The following TCAIM variants were observed in gnomAD, a reference collection of about 807,000 sequenced individuals.
TCAIM encodes T cell activation inhibitor, mitochondrial.
A neutral mutation model predicts 58.6 loss-of-function variants in TCAIM; 36 were observed. That is an observed-to-expected ratio of 0.61 (90% CI 0.47 to 0.81). The LOEUF (loss-of-function observed/expected upper bound fraction) is 0.81, where lower values mean the gene tolerates loss of function less well. TCAIM is among the 30% of genes least tolerant of loss of function. The pLI, the probability that TCAIM is intolerant of heterozygous loss-of-function variation, is 0.00. For synonymous variants in TCAIM, 172 were observed against 193.6 expected (o/e 0.89, Z 0.93); for missense variants, 466 against 579.6 (o/e 0.80, Z 2.01).
chr3:44,348,197 A>C (rs1199548288), intron 1 of TCAIM, among the ~76,000 whole-genome samples: 1 of 152,108 alleles, frequency 6.6e-6, no homozygotes, highest in Non-Finnish European at 1.5e-5. Flanking sequence ...TAAGAAGGGG[A>C]CGGACTTACC....
At chr3:44,392,502 G>C (rs1701854346) in intron 5 of TCAIM, among the ~76,000 whole-genome samples, 1 of 152,176 alleles carries the variant, frequency 6.6e-6, no homozygotes. Flanking sequence ...GTGGGTCCCA[G>C]TGTCTGTTGC....
intron 2 of TCAIM, among the ~76,000 whole-genome samples, chr3:44,356,031 T>C (rs551838491): frequency 3.9e-5 from 6 of 152,210 alleles, no homozygotes; most frequent in Non-Finnish European, 7.3e-5. Context: ...AATCCATATA[T>C]TGACTTTATA....
chr3:44,383,414 G>A (rs1476727162), intron 5 of TCAIM, among the ~76,000 whole-genome samples: 1 of 152,140 alleles, frequency 6.6e-6, no homozygotes, highest in Non-Finnish European at 1.5e-5. Context: ...GAACCTTGAG[G>A]ACATCATGCT....
In TCAIM at chr3:44,407,434, T is replaced by C. The variant is rs1235513051; in HGVS notation, c.1251-8T>C. The C allele has an allele frequency of 6.9e-7, 1 of 1,443,126 alleles. No individual in the cohort carries two copies. The highest frequency in any genetic ancestry group is 2.0e-5 in the Admixed American group (1 of 49,756). 89.4% of individuals were successfully genotyped at this position (1,443,126 alleles called of 1,614,324 possible). ...CTTATGACAATATTTTTATTTTCTATATAATAGGTTAAAGGTTATTGAAAA... is the reference window on the plus strand; with the variant it reads ...CTTATGACAATATTTTTATTTTCTACATAATAGGTTAAAGGTTATTGAAAA... On this transcript the variant is annotated splice_polypyrimidine_tract_variant and splice_region_variant and intron_variant, in intron 10 of 10. Transcript: ENST00000342649.
chr3:44,394,730 C>G (rs912834753), intron 6 of TCAIM, among the ~76,000 whole-genome samples: 1 of 150,180 alleles, frequency 6.7e-6, no homozygotes, highest in Non-Finnish European at 1.5e-5. Context: ...CCCGTCTCTA[C>G]TAAAAATACA....
At chr3:44,390,764 A>G (rs559590047) in intron 5 of TCAIM, among the ~76,000 whole-genome samples, 39 of 152,330 alleles carry the variant, frequency 2.6e-4, no homozygotes, top group African/African-American at 8.7e-4. Flanking sequence ...TGAGCCCAGA[A>G]GTTTGGAGCC....
intron 4 of TCAIM, 42 bp from the exon 5 acceptor site, chr3:44,367,414 T>C (rs1701396926): frequency 6.5e-7 from 1 of 1,536,880 alleles, no homozygotes; most frequent in African/African-American, 1.4e-5. Context: ...ATAAAGCAAA[T>C]AATCATCTGT....
chr3:44,364,745 C>CA (rs199676357), intron 4 of TCAIM, among the ~76,000 whole-genome samples: 5,457 of 91,400 alleles, frequency 0.06, 334 homozygotes, highest in African/African-American at 0.19. Flanking sequence ...GACCCTGTCT[C>CA]AAAAAAAAAA....
intron 6 of TCAIM, among the ~76,000 whole-genome samples, chr3:44,395,554 G>A (rs867347024): frequency 2.0e-5 from 3 of 152,186 alleles, no homozygotes; most frequent in Non-Finnish European, 2.9e-5. Context: ...ACTCGAGACC[G>A]GTGCTCTTCA....
chr3:44,401,989 T>C (rs993447023), intron 10 of TCAIM, among the ~76,000 whole-genome samples: 1 of 151,972 alleles, frequency 6.6e-6, no homozygotes, highest in Non-Finnish European at 1.5e-5. Context: ...GCCGAGATCA[T>C]GCCACTGCAC....
In TCAIM at chr3:44,407,879, C is replaced by T. The variant is rs111360940; in HGVS notation, c.*197C>T. The T allele has an allele frequency of 1.6e-3, 797 of 510,540 alleles. 7 individuals carry two copies. The highest frequency in any genetic ancestry group is 9.7e-3 in the African/African-American group (490 of 50,366). 31.6% of individuals were successfully genotyped at this position (510,540 alleles called of 1,614,324 possible). On this transcript the variant is annotated 3_prime_UTR_variant, in exon 11 of 11. Transcript: ENST00000342649. Reference sequence around the variant, plus strand: ...TGCCAGGCGTGGTGGCTCATGCCTGCGGTCCCAGCTACTTAGGGAGGCTAA... The same window carrying T: ...TGCCAGGCGTGGTGGCTCATGCCTGTGGTCCCAGCTACTTAGGGAGGCTAA...
intron 1 of TCAIM, among the ~76,000 whole-genome samples, chr3:44,344,906 A>G (rs73090412): frequency 0.19 from 28,458 of 152,068 alleles, 2,865 homozygotes; most frequent in Middle Eastern, 0.29. Flanking sequence ...AAGGAATTCA[A>G]TTCACAAGGT....
chr3:44,396,625 C>A, intron 7 of TCAIM, 118 bp from the exon 8 acceptor site: 1 of 1,399,158 alleles, frequency 7.1e-7, no homozygotes, highest in Non-Finnish European at 9.8e-7. Flanking sequence ...AAAGCAGTGG[C>A]ATAAAATTAG....
chr3:44,346,284 C>T (rs760294108), intron 1 of TCAIM, among the ~76,000 whole-genome samples: 1 of 152,144 alleles, frequency 6.6e-6, no homozygotes, highest in Non-Finnish European at 1.5e-5. Flanking sequence ...GGTCCATTAT[C>T]GGACTGTATA....
Position 44,367,556 on chromosome 3 carries a change from C to G in TCAIM, c.420C>G (p.Ser140Arg). The part of the protein sequence containing the change: ...SCSLSVEHIQ[S>R]LNTNMHTQPL... ...GTTTATCTGTTGAACATATCCAAAG[C>G]TTGAATACTAATATGCATACCCAGC... Residue 140 changes from serine (S) to arginine (R), a missense_variant, in exon 5 of 11, where the codon AGC becomes AGG. Coordinates refer to ENST00000342649, the MANE Select transcript of TCAIM (RefSeq NM_173826.4). The G allele has an allele frequency of 6.2e-7, 1 of 1,614,044 alleles. No homozygotes were observed. Among genetic ancestry groups the G allele is most frequent in the Non-Finnish European group, 8.5e-7 (1 of 1,179,996 alleles).
At chr3:44,366,072 C>T (rs1701369242) in intron 4 of TCAIM, among the ~76,000 whole-genome samples, 1 of 152,022 alleles carries the variant, frequency 6.6e-6, no homozygotes, top group Non-Finnish European at 1.5e-5. Flanking sequence ...AGATTTAAGC[C>T]CTGGCTTCAT....
In TCAIM at chr3:44,361,421, A is replaced by T. The variant is rs900243852; in HGVS notation, c.222A>T (p.Lys74Asn). ...RLSVYLENLQ[K>N]PGFKSLKPTQ... ...GTGTCTACCTAGAAAACCTCCAGAA[A>T]CCAGGCTTCAAGTCTTTGAAACCAA... The change falls in exon 4 of 11, where the codon AAA becomes AAT. Residue 74 changes from lysine (K) to asparagine (N), a missense_variant. By Grantham distance (94) the Lys-to-Asn change is moderately conservative. Coordinates refer to ENST00000342649, the MANE Select transcript of TCAIM (RefSeq NM_173826.4). The T allele has an allele frequency of 3.1e-6, 5 of 1,613,124 alleles. No homozygotes were observed. The African/African-American group carries it at 6.7e-5, about 22-fold the overall frequency.
chr3:44,404,929 C>A (rs1440924832), intron 10 of TCAIM, among the ~76,000 whole-genome samples: 1 of 152,052 alleles, frequency 6.6e-6, no homozygotes, highest in Non-Finnish European at 1.5e-5. Flanking sequence ...ACAGGGTCCT[C>A]ACAGTAGCAG....
chr3:44,356,512 A>G (rs1227021707), intron 2 of TCAIM, among the ~76,000 whole-genome samples: 1 of 151,440 alleles, frequency 6.6e-6, no homozygotes, highest in Non-Finnish European at 1.5e-5. Context: ...ACAGAGTGAG[A>G]CTCTGTCTCA....
Sources: gnomAD v4.1 joint callset for allele counts (sites outside exome capture counted in the v4.1 genomes callset) on GRCh38, gnomAD v4.1.1 for gene constraint, MANE v1.5 for transcripts, NCBI Gene and HGNC (gene_info 2026-07-23, HGNC 2026-07-21) for gene names.